FAM171A1: variants seen among roughly 807,000 people sequenced by gnomAD.
The protein encoded by FAM171A1 is protein FAM171A1.
Under a neutral mutation model 74.9 loss-of-function variants are expected in FAM171A1, and 23 were observed. The ratio of observed to expected loss-of-function variants is 0.31; its 90% confidence interval spans 0.22 to 0.44. The LOEUF (loss-of-function observed/expected upper bound fraction) is 0.44. FAM171A1 is among the 20% of genes least tolerant of loss of function. The pLI is 1.00. For synonymous variants in FAM171A1, 527 were observed against 505.7 expected (o/e 1.04, Z -0.57); for missense variants, 1,162 against 1,159.2 (o/e 1.00, Z -0.03).
In FAM171A1 at chr10:15,214,315, A is replaced by G; in HGVS notation, c.1273T>C (p.Phe425Leu). Residue 425 changes from phenylalanine (F) to leucine (L), a missense_variant, in exon 8 of 8, where the codon TTT (phenylalanine) becomes CTT (leucine). By Grantham distance (22) the Phe-to-Leu change is conservative (BLOSUM62 0). Coordinates refer to ENST00000378116, the MANE Select transcript of FAM171A1 (RefSeq NM_001010924.2). Reference sequence around the variant, plus strand: ...GAGAGGAGCTCCTCCCGGGAGCTAAATTCCTGGGAGGTGCTGTAGGAGAGC... The same window carrying G: ...GAGAGGAGCTCCTCCCGGGAGCTAAGTTCCTGGGAGGTGCTGTAGGAGAGC... ...LKLSYSTSQE[F>L]SSREELLSCK... The G allele has an allele frequency of 6.2e-7, 1 of 1,613,068 alleles. No homozygotes were observed.
At chr10:15,367,156 G>A (rs919813931) in intron 1 of FAM171A1, among the ~76,000 whole-genome samples, 5 of 152,216 alleles carry the variant, frequency 3.3e-5, no homozygotes, top group East Asian at 1.9e-4. Context: ...TTGAGATCAC[G>A]CCACTGCACT....
intron 1 of FAM171A1, among the ~76,000 whole-genome samples, chr10:15,367,030 C>CT (rs1836071910): frequency 6.6e-6 from 1 of 152,126 alleles, no homozygotes; most frequent in South Asian, 2.1e-4. Context: ...AACCCCTTAT[C>CT]TACTAAAAAT....
intron 5 of FAM171A1, 79 bp from the exon 6 acceptor site, chr10:15,221,139 C>G: frequency 8.7e-7 from 1 of 1,147,860 alleles, no homozygotes; most frequent in Non-Finnish European, 1.3e-6. Flanking sequence ...TAAAAGTCAT[C>G]TTAAATATCT....
chr10:15,292,690 T>C (rs1227892548), intron 1 of FAM171A1, among the ~76,000 whole-genome samples: 1 of 152,042 alleles, frequency 6.6e-6, no homozygotes, highest in African/African-American at 2.4e-5. Context: ...TTTGCCACAT[T>C]GCCCGGGCTG....
At chr10:15,296,375 C>T (rs1835161276) in intron 1 of FAM171A1, among the ~76,000 whole-genome samples, 1 of 152,032 alleles carries the variant, frequency 6.6e-6, no homozygotes, top group Non-Finnish European at 1.5e-5. Context: ...ATATCATATA[C>T]TTTATTAATC....
intron 3 of FAM171A1, among the ~76,000 whole-genome samples, chr10:15,255,120 C>T (rs1834562429): frequency 6.6e-6 from 1 of 152,140 alleles, no homozygotes; most frequent in African/African-American, 2.4e-5. Flanking sequence ...AGGTTTTTAA[C>T]AAAAAGCTTT....
Position 15,318,495 on chromosome 10 carries a change from A to AAGT in FAM171A1, c.98-34393_98-34391dup, listed in dbSNP as rs560584168. On this transcript the variant is annotated intron_variant, in intron 1 of 7. Coordinates refer to ENST00000378116, the MANE Select transcript of FAM171A1 (RefSeq NM_001010924.2). Reference sequence around the variant, plus strand: ...CAGAGAAATGCATTTGCCTTCCTCCAAGTAGTCTGTGTCCTCTAAGATGCT... The same window carrying AAGT: ...CAGAGAAATGCATTTGCCTTCCTCCAAGTAGTAGTCTGTGTCCTCTAAGATGCT... Among the ~76,000 whole-genome samples the AAGT allele has an allele frequency of 5.3e-5, 8 of 152,268 alleles. No homozygotes were observed. In the South Asian group the frequency reaches 1.7e-3, roughly 32 times the overall value.
At chr10:15,248,266 C>T (rs1451534941) in intron 5 of FAM171A1, among the ~76,000 whole-genome samples, 1 of 151,506 alleles carries the variant, frequency 6.6e-6, no homozygotes, top group African/African-American at 2.4e-5. Flanking sequence ...AATGTTTGTC[C>T]TTTTTCAGAA....
chr10:15,289,685 C>T (rs1382759631), intron 1 of FAM171A1, among the ~76,000 whole-genome samples: 1 of 152,214 alleles, frequency 6.6e-6, no homozygotes, highest in African/African-American at 2.4e-5. Flanking sequence ...CCCTTCGATG[C>T]GTCCCCACTG....
chr10:15,330,710 CTT>C (rs1175207724), intron 1 of FAM171A1, among the ~76,000 whole-genome samples: 2 of 69,514 alleles, frequency 2.9e-5, no homozygotes, highest in Non-Finnish European at 5.8e-5. Context: ...TTTTCTTCTT[CTT>C]CTTTTTTTTT....
chr10:15,286,561 C>T (rs1165121677), intron 1 of FAM171A1, among the ~76,000 whole-genome samples: 2 of 152,156 alleles, frequency 1.3e-5, no homozygotes, highest in Non-Finnish European at 2.9e-5. Flanking sequence ...GGATTACAGG[C>T]ATGATCCACC....
At chr10:15,304,232 T>G (rs1232036870) in intron 1 of FAM171A1, among the ~76,000 whole-genome samples, 1 of 152,206 alleles carries the variant, frequency 6.6e-6, no homozygotes, top group Non-Finnish European at 1.5e-5. Flanking sequence ...GTAGGTATAT[T>G]AATTGTGTCT....
In FAM171A1 at chr10:15,370,957, T is replaced by C. The variant is rs1163633252; in HGVS notation, c.96A>G (p.Gln32=). The part of the protein sequence containing the change: ...KTLREPGAGA[Q]EVTLKVHISD... ...CCGGCCCCGCCGCCGCCCACTGACC[T>C]TGGGCTCCGGCGCCGGGCTCCCGCA... The change falls in exon 1 of 8, where the codon CAA becomes CAG. Residue 32 remains glutamine (Q), a splice_region_variant and synonymous_variant. Coordinates refer to ENST00000378116, the MANE Select transcript of FAM171A1 (RefSeq NM_001010924.2). 1.7e-6 allele frequency: 2 copies of C among 1,162,408 alleles called. No individual in the cohort carries two copies. Among genetic ancestry groups the C allele is most frequent in the African/African-American group, 1.7e-5 (1 of 57,546 alleles). The allele number at this position is 1,162,408 out of a possible 1,614,324, so 72.0% of individuals were successfully genotyped here. A position where few individuals can be genotyped will look rare whatever the true frequency, so the allele number is the denominator to read the frequency against.
At chr10:15,286,378 T>G (rs1835035511) in intron 1 of FAM171A1, among the ~76,000 whole-genome samples, 1 of 152,136 alleles carries the variant, frequency 6.6e-6, no homozygotes, top group Non-Finnish European at 1.5e-5. Context: ...CCTGCTGGGT[T>G]CAAGCAATTC....
chr10:15,269,094 G>A (rs963199517), intron 3 of FAM171A1, among the ~76,000 whole-genome samples: 2 of 151,842 alleles, frequency 1.3e-5, no homozygotes, highest in Admixed American at 1.3e-4. Context: ...TGATTCTCAG[G>A]CCCATGATTT....
rs1253333170 is a variant in FAM171A1, at chr10:15,248,902, A to G, written c.578-87T>C. The G allele has an allele frequency of 1.9e-5, 24 of 1,255,866 alleles. No homozygotes were observed. In the Admixed American group the frequency reaches 6.0e-4, roughly 31 times the overall value. 77.8% of individuals were successfully genotyped at this position (1,255,866 alleles called of 1,614,324 possible). ...CCTTTGCAAAAAAATAGTCGCAGCTACCATTACCTCCTATATGCCAGGGAC... is the reference window on the plus strand; with the variant it reads ...CCTTTGCAAAAAAATAGTCGCAGCTGCCATTACCTCCTATATGCCAGGGAC... On this transcript the variant is annotated intron_variant, in intron 4 of 7. Transcript: ENST00000378116.
Position 15,213,812 on chromosome 10 carries a change from C to G in FAM171A1, c.1776G>C (p.Gly592=), listed in dbSNP as rs369521935. 1 of 1,614,098 alleles carries G rather than the reference C, an allele frequency of 6.2e-7. No individual in the cohort carries two copies. The highest frequency in any genetic ancestry group is 8.5e-7 in the Non-Finnish European group (1 of 1,180,030). ...VIPAHYMKLP[G]DHSYVSQPLV... is the part of the protein sequence containing the mutation. ...GGGGCTGGCTGACATAGGAGTGGTC[C>G]CCGGGGAGTTTCATATAATGAGCCG... is the stretch of plus-strand genomic sequence containing the variant. Residue 592 remains glycine, a synonymous_variant, in exon 8 of 8, where the codon GGG becomes GGC. Transcript: ENST00000378116. This position sits in a 1 kb window ranked among gnomAD's most constrained non-coding sequence, Gnocchi z 6.8.
chr10:15,302,019 T>C (rs1588542117), intron 1 of FAM171A1, among the ~76,000 whole-genome samples: 1 of 152,182 alleles, frequency 6.6e-6, no homozygotes, highest in Non-Finnish European at 1.5e-5. Context: ...TAATGTCTTT[T>C]GGTTTAATGA....
intron 3 of FAM171A1, among the ~76,000 whole-genome samples, chr10:15,271,170 C>T (rs975385320): frequency 6.6e-6 from 1 of 152,228 alleles, no homozygotes; most frequent in East Asian, 1.9e-4. Context: ...CTAGAATAAA[C>T]AGCGTAGAGA....
Sources: gnomAD v4.1 joint callset for allele counts (sites outside exome capture counted in the v4.1 genomes callset) on GRCh38, gnomAD v4.1.1 for gene constraint, Gnocchi (gnomAD v3.1) non-coding constraint, MANE v1.5 for transcripts, NCBI Gene and HGNC (gene_info 2026-07-23, HGNC 2026-07-21) for gene names.